Variants in DGKI observed in about 807,000 individuals in gnomAD.
The protein encoded by DGKI is DAG kinase iota.
In DGKI, 55 loss-of-function variants were observed where a neutral mutation model predicts 147.5. The observed-to-expected ratio is 0.37, with a 90% CI of 0.30 to 0.47. The LOEUF is 0.47. DGKI is among the 20% of genes least tolerant of loss of function. DGKI has a pLI of 1.00. For missense variants in DGKI, 1,007 were observed against 1,323.8 expected (o/e 0.76, Z 3.71); for synonymous variants, 469 against 477.1 (o/e 0.98, Z 0.22).
At chr7:137,734,807 C>T (rs1479645209) in intron 1 of DGKI, among the ~76,000 whole-genome samples, 1 of 152,090 alleles carries the variant, frequency 6.6e-6, no homozygotes, top group Non-Finnish European at 1.5e-5. Context: ...AATGAGAGAC[C>T]TTGCAGTCAT....
intron 6 of DGKI, among the ~76,000 whole-genome samples, chr7:137,642,533 C>A (rs929900281): frequency 2.0e-5 from 3 of 152,174 alleles, no homozygotes; most frequent in Non-Finnish European, 4.4e-5. Flanking sequence ...TGAACTTGAG[C>A]ATTTTGGCTC....
rs569200855 is a variant in DGKI, at chr7:137,788,457, G to A, written c.401+58005C>T. The stretch of plus-strand genomic sequence containing the variant: ...GAACTTTTCAATGGTTCCCAATGTC[G>A]AAATCCAACCTCCCAGACATGACTT... On this transcript the variant is annotated intron_variant, in intron 1 of 32. Coordinates refer to ENST00000614521, the MANE Select transcript of DGKI (RefSeq NM_001321708.2). 2.6e-5 allele frequency among the ~76,000 whole-genome samples: 4 copies of A among 151,864 alleles called. No homozygotes were observed. The South Asian group carries it at 8.3e-4, about 32-fold the overall frequency.
At chr7:137,508,467 C>G (rs986129415) in intron 21 of DGKI, among the ~76,000 whole-genome samples, 1 of 152,072 alleles carries the variant, frequency 6.6e-6, no homozygotes, top group Non-Finnish European at 1.5e-5. Flanking sequence ...ACCTCGTGAT[C>G]TGTCCACCTC....
intron 2 of DGKI, among the ~76,000 whole-genome samples, chr7:137,683,364 T>TTGTG (rs1402780905): frequency 8.1e-6 from 1 of 123,322 alleles, no homozygotes; most frequent in Non-Finnish European, 1.7e-5. Context: ...CTCTTTTTGT[T>TTGTG]TGTGTTTGTT....
intron 20 of DGKI, among the ~76,000 whole-genome samples, chr7:137,533,346 C>T (rs1410537737): frequency 6.6e-6 from 1 of 151,348 alleles, no homozygotes; most frequent in Non-Finnish European, 1.5e-5. Flanking sequence ...GAAACAAACA[C>T]AAAATAGTTA....
At chr7:137,679,158 A>G (rs1218401413) in intron 2 of DGKI, among the ~76,000 whole-genome samples, 8 of 152,238 alleles carry the variant, frequency 5.3e-5, no homozygotes, top group Admixed American at 5.2e-4. Context: ...CTAAGGGCAG[A>G]GGCTTCTTAA....
intron 19 of DGKI, among the ~76,000 whole-genome samples, chr7:137,569,728 CA>C (rs60719355): frequency 1.5e-5 from 1 of 64,620 alleles, no homozygotes; most frequent in African/African-American, 7.1e-5. Flanking sequence ...GACTCTGTCT[CA>C]AAAAAAAAAA....
chr7:137,649,453 A>G (rs954194199), intron 5 of DGKI, among the ~76,000 whole-genome samples: 9 of 152,188 alleles, frequency 5.9e-5, no homozygotes, highest in African/African-American at 1.9e-4. Context: ...TTGCTCGTCA[A>G]TAACTTCTGA....
rs1819015603 is a variant in DGKI, at chr7:137,577,223, A to G, written c.1760T>C (p.Val587Ala). 3.1e-6 allele frequency: 5 copies of G among 1,589,802 alleles called. No individual in the cohort carries two copies. Among genetic ancestry groups the G allele is most frequent in the Non-Finnish European group, 4.3e-6 (5 of 1,163,154 alleles). Residue 587 changes from valine (V) to alanine (A), a missense_variant and splice_region_variant, in exon 17 of 33, where the codon GTT becomes GCT. Physicochemically the swap from Val to Ala is moderately conservative, Grantham distance 64 (BLOSUM62 0). Around this residue, in one of 5 missense-constraint regions of DGKI, gnomAD observed 224 missense variants for 382.7 expected, o/e 0.59. Coordinates refer to ENST00000614521, the MANE Select transcript of DGKI (RefSeq NM_001321708.2). Reference protein sequence around the residue: ...SRDLSKHVKVVCDGTDLTPKI... With the variant: ...SRDLSKHVKVACDGTDLTPKI... ...TAAATCAACATATTCAATACTTACA[A>G]CAACTTTAACATGTTTGGATAGATC... is the stretch of plus-strand genomic sequence containing the variant.
At chr7:137,589,421 C>T (rs118189509) in intron 12 of DGKI, among the ~76,000 whole-genome samples, 97 of 152,366 alleles carry the variant, frequency 6.4e-4, no homozygotes, top group Non-Finnish European at 1.1e-3. Context: ...AGTCTGTCCA[C>T]TTCCCTAAAC....
At chr7:137,412,803 A>G (rs1444676598) in intron 28 of DGKI, among the ~76,000 whole-genome samples, 1 of 152,164 alleles carries the variant, frequency 6.6e-6, no homozygotes, top group African/African-American at 2.4e-5. Context: ...AGTCTATTTT[A>G]ATTGTGTGCT....
intron 1 of DGKI, among the ~76,000 whole-genome samples, chr7:137,716,584 A>T (rs1007417525): frequency 6.6e-6 from 1 of 152,328 alleles, no homozygotes; most frequent in South Asian, 2.1e-4. Context: ...TTAAAAGTAA[A>T]CAATAATGTA....
chr7:137,508,462 G>A lies in DGKI; in HGVS notation c.2248+13404C>T, dbSNP rs376335059. On this transcript the variant is annotated intron_variant, in intron 21 of 32. Coordinates refer to ENST00000614521, the MANE Select transcript of DGKI (RefSeq NM_001321708.2). ...AGGATGGTCTTGATCTCCTGACCTC[G>A]TGATCTGTCCACCTCGGCCTCCCAA... Among the ~76,000 whole-genome samples, 17 of 152,062 alleles carry A rather than the reference G, an allele frequency of 1.1e-4. No individual in the cohort carries two copies. In the South Asian group the frequency reaches 2.5e-3, roughly 22 times the overall value.
At chr7:137,553,722 C>T (rs1223828656) in intron 19 of DGKI, among the ~76,000 whole-genome samples, 1 of 152,114 alleles carries the variant, frequency 6.6e-6, no homozygotes, top group Non-Finnish European at 1.5e-5. Flanking sequence ...AAATGTATAA[C>T]ACCCAGAAGG....
At chr7:137,757,767 A>T (rs1795733581) in intron 1 of DGKI, among the ~76,000 whole-genome samples, 1 of 152,254 alleles carries the variant, frequency 6.6e-6, no homozygotes, top group South Asian at 2.1e-4. Flanking sequence ...TCCCCAAGGC[A>T]CTGGGCACTT....
intron 20 of DGKI, among the ~76,000 whole-genome samples, chr7:137,541,965 T>C (rs1817717961): frequency 6.6e-6 from 1 of 151,762 alleles, no homozygotes; most frequent in Non-Finnish European, 1.5e-5. Context: ...AAAGACAGGA[T>C]ATATACTGGG....
chr7:137,593,832 T>G (rs939214611), intron 12 of DGKI, among the ~76,000 whole-genome samples: 1 of 152,222 alleles, frequency 6.6e-6, no homozygotes, highest in Non-Finnish European at 1.5e-5. Context: ...ATTGTACAAA[T>G]GTGGCTTGCA....
chr7:137,844,341 G>C (rs186589733), intron 1 of DGKI, among the ~76,000 whole-genome samples: 101 of 152,336 alleles, frequency 6.6e-4, no homozygotes, highest in Non-Finnish European at 7.5e-4. Context: ...TTTGGATGGG[G>C]AGGGTTTATG....
At chr7:137,707,606 A>T (rs1460639181) in intron 1 of DGKI, among the ~76,000 whole-genome samples, 1 of 152,116 alleles carries the variant, frequency 6.6e-6, no homozygotes, top group Non-Finnish European at 1.5e-5. Context: ...AAAAGTGCAT[A>T]GCACCTCTCC....
Sources: allele counts gnomAD v4.1 joint callset (sites outside exome capture counted in the v4.1 genomes callset), GRCh38; gene constraint gnomAD v4.1.1; regional missense constraint gnomAD v4.1.1; transcripts MANE v1.5; gene names NCBI Gene and HGNC (gene_info 2026-07-23, HGNC 2026-07-21).